The following AHSA1 variants were observed in gnomAD, a reference collection of about 807,000 sequenced individuals.
The protein encoded by AHSA1 is activator of 90 kDa heat shock protein ATPase homolog 1.
A neutral mutation model predicts 46.1 loss-of-function variants in AHSA1; 14 were observed. The observed-to-expected ratio is 0.30, with a 90% CI of 0.20 to 0.47. AHSA1 has a LOEUF of 0.47. AHSA1 is among the 20% of genes least tolerant of loss of function. AHSA1 has a pLI of 0.99. For missense variants in AHSA1, 333 were observed against 415.9 expected (o/e 0.80, Z 1.73); for synonymous variants, 147 against 145.8 (o/e 1.01, Z -0.06).
chr14:77,464,326 G>A (rs1367216965), intron 4 of AHSA1, among the ~76,000 whole-genome samples: 3 of 152,058 alleles, frequency 2.0e-5, no homozygotes, highest in African/African-American at 4.8e-5. Context: ...GCAGTGAGTT[G>A]GAGTGCAGGC....
At chr14:77,464,471 A>C (rs2079039471) in intron 4 of AHSA1, 127 bp from the exon 5 acceptor site, 1 of 769,396 alleles carries the variant, frequency 1.3e-6, no homozygotes, top group Non-Finnish European at 2.1e-6. Context: ...ATGTAAAAAT[A>C]GCCTCTTCCT....
chr14:77,462,560 T>C (rs576429976), intron 3 of AHSA1, 82 bp from the exon 4 acceptor site: 1 of 1,262,684 alleles, frequency 7.9e-7, no homozygotes, highest in East Asian at 2.3e-5. Context: ...ATGTCAGCAG[T>C]CACCTGATTG....
chr14:77,466,885 A>G (rs1416842798), intron 6 of AHSA1, among the ~76,000 whole-genome samples: 1 of 152,264 alleles, frequency 6.6e-6, no homozygotes, highest in Non-Finnish European at 1.5e-5. Context: ...TAGCACTTCA[A>G]CACAGACTTC....
intron 5 of AHSA1, 23 bp from the exon 6 acceptor site, chr14:77,465,516 C>G (rs1005814627): frequency 1.2e-6 from 2 of 1,611,746 alleles, no homozygotes; most frequent in African/African-American, 2.7e-5. Context: ...CTGTATTGAT[C>G]ATTTTCACTG....
chr14:77,468,721 C>CTTTTTTTTTTTTTTTTTTTTTTT (rs572116649), intron 8 of AHSA1: 15 of 224,428 alleles, frequency 6.7e-5, no homozygotes, highest in South Asian at 1.9e-4. Context: ...ACCATGCCAG[C>CTTTTTTTTTTTTTTTTTTTTTTT]TTTTTTTTTT....
Position 77,469,324 on chromosome 14 carries a change from G to A in AHSA1, c.*75G>A, listed in dbSNP as rs1376517696. 2.6e-6 allele frequency: 4 copies of A among 1,543,402 alleles called. No homozygotes were observed. Among genetic ancestry groups the A allele is most frequent in the African/African-American group, 2.7e-5 (2 of 73,372 alleles). On this transcript the variant is annotated 3_prime_UTR_variant, in exon 9 of 9. Transcript: ENST00000216479. The stretch of plus-strand genomic sequence containing the variant: ...TCCTGACTGGGGCTTGCGACTCACA[G>A]GATTGCATCGTCCCAGCTGCTAACT...
At chr14:77,463,835 G>C (rs985346969) in intron 4 of AHSA1, among the ~76,000 whole-genome samples, 2 of 152,200 alleles carry the variant, frequency 1.3e-5, no homozygotes, top group Non-Finnish European at 2.9e-5. Context: ...CATCAAAGAA[G>C]GTGATGGAAG....
rs895137153 is a variant in AHSA1 at position 77,462,525 on chromosome 14, C to T, written c.355-117C>T. ...ACTAATGGGGATTGTACGAATACCG[C>T]AGTACTCATGCATTTCCTTTGGAAA... On this transcript the variant is annotated intron_variant, in intron 3 of 8. Coordinates refer to ENST00000216479, the MANE Select transcript of AHSA1 (RefSeq NM_012111.3). 4.6e-5 allele frequency: 44 copies of T among 949,688 alleles called. No individual in the cohort carries two copies. The South Asian group carries it at 5.7e-4, about 12-fold the overall frequency. 58.8% of individuals were successfully genotyped at this position (949,688 alleles called of 1,614,324 possible).
At chr14:77,463,358 G>T (rs1460213808) in intron 4 of AHSA1, among the ~76,000 whole-genome samples, 1 of 152,082 alleles carries the variant, frequency 6.6e-6, no homozygotes, top group Non-Finnish European at 1.5e-5. Context: ...GGAAGCCGAG[G>T]TGGGCGGATC....
chr14:77,458,352 A>G (rs1314966724), intron 1 of AHSA1, 83 bp downstream of exon 1: 4 of 1,436,688 alleles, frequency 2.8e-6, no homozygotes, highest in Non-Finnish European at 3.8e-6. Flanking sequence ...CGGCCCGGAC[A>G]GAGCTGGGGC....
chr14:77,459,466 A>G, intron 1 of AHSA1, 150 bp from the exon 2 acceptor site: 2 of 694,678 alleles, frequency 2.9e-6, no homozygotes. Context: ...AAAAAGAATG[A>G]CATGTTTGTG....
rs1310892272 is a variant in AHSA1, at chr14:77,459,601, G to A, written c.81-15G>A. ...CGTTTGACTGCTGGTTCATAGCTCT[G>A]TTTCTGCTTTGCAGGACGGAGAGAG... On this transcript the variant is annotated splice_polypyrimidine_tract_variant and intron_variant, in intron 1 of 8. Coordinates refer to ENST00000216479, the MANE Select transcript of AHSA1 (RefSeq NM_012111.3). The A allele has an allele frequency of 1.2e-6, 2 of 1,613,822 alleles. No individual in the cohort carries two copies. The highest frequency in any genetic ancestry group is 2.7e-5 in the African/African-American group (2 of 74,886).
chr14:77,461,629 T>C (rs1281296106), intron 2 of AHSA1, among the ~76,000 whole-genome samples: 3 of 152,148 alleles, frequency 2.0e-5, no homozygotes, highest in Admixed American at 1.3e-4. Flanking sequence ...ATTACACTCG[T>C]TGAGGATGGG....
At chr14:77,461,003 C>G (rs1288037229) in intron 2 of AHSA1, among the ~76,000 whole-genome samples, 1 of 150,068 alleles carries the variant, frequency 6.7e-6, no homozygotes, top group Non-Finnish European at 1.5e-5. Context: ...ACTAAAAATA[C>G]AAAAAATTAG....
intron 2 of AHSA1, among the ~76,000 whole-genome samples, chr14:77,461,795 A>C (rs749748565): frequency 2.0e-5 from 3 of 152,216 alleles, no homozygotes; most frequent in South Asian, 2.1e-4. Flanking sequence ...TGAACTTCTC[A>C]TTATAATCAA....
At position 77,464,632 on chromosome 14, in the gene AHSA1, T is replaced by TC; in HGVS notation, c.507_508insC (p.Gly170ArgfsTer15). The TC allele has an allele frequency of 6.2e-7, 1 of 1,614,062 alleles. No homozygotes were observed. Among genetic ancestry groups the TC allele is most frequent in the Non-Finnish European group, 8.5e-7 (1 of 1,179,992 alleles). On this transcript the variant is annotated frameshift_variant, in exon 5 of 9. Transcript: ENST00000216479. LOFTEE classifies it high-confidence loss of function. ...AGGGCATGATCTTACCTACAATGAA[T>TC]GGAGAGTCAGTAGACCCAGTGGGGC...
chr14:77,463,105 C>T, intron 4 of AHSA1: 1 of 224,192 alleles, frequency 4.5e-6, no homozygotes, highest in South Asian at 6.8e-5. Flanking sequence ...CATGGCGAAA[C>T]CCTGTCTCTA....
chr14:77,460,969 C>G (rs1372325515), intron 2 of AHSA1, among the ~76,000 whole-genome samples: 1 of 151,214 alleles, frequency 6.6e-6, no homozygotes, highest in East Asian at 1.9e-4. Context: ...ACCATCCTGG[C>G]TGACACAGTG....
intron 2 of AHSA1, among the ~76,000 whole-genome samples, chr14:77,460,711 G>A (rs777828288): frequency 6.6e-6 from 1 of 151,270 alleles, no homozygotes; most frequent in Non-Finnish European, 1.5e-5. Flanking sequence ...ACAGGTGCCC[G>A]CCACCACGCC....
Sources: gnomAD v4.1 joint callset for allele counts (sites outside exome capture counted in the v4.1 genomes callset) on GRCh38, gnomAD v4.1.1 for gene constraint, MANE v1.5 for transcripts, NCBI Gene and HGNC (gene_info 2026-07-23, HGNC 2026-07-21) for gene names.